OXCT1: variants seen among roughly 807,000 people sequenced by gnomAD.
The protein encoded by OXCT1 is 3-oxoacid CoA-transferase 1.
A neutral mutation model predicts 69.6 loss-of-function variants in OXCT1; 27 were observed. That is an observed-to-expected ratio of 0.39 (90% confidence interval 0.29 to 0.54). OXCT1 has a LOEUF of 0.54. Among genes scored for constraint, OXCT1 ranks in the 20% least tolerant of loss-of-function variants. The probability of loss-of-function intolerance (pLI) is 0.72; values close to 1 mark genes in which losing one functional copy is unlikely to be tolerated. For missense variants in OXCT1, 437 were observed against 650.2 expected, an observed-to-expected ratio of 0.67 and a Z score of 3.57; for synonymous variants, 202 against 217.8, an observed-to-expected ratio of 0.93 and a Z score of 0.64.
At chr5:41,776,092 CT>C (rs994166054) in intron 13 of OXCT1, among the ~76,000 whole-genome samples, 1 of 152,168 alleles carries the variant, frequency 6.6e-6, no homozygotes, top group African/African-American at 2.4e-5. Context: ...CCTATAACCC[CT>C]GATATAAGAA....
At chr5:41,825,439 C>T (rs1056270084) in intron 7 of OXCT1, among the ~76,000 whole-genome samples, 6 of 152,144 alleles carry the variant, frequency 3.9e-5, no homozygotes, top group African/African-American at 1.4e-4. Context: ...GTCTTAGGAA[C>T]TGTTAACTGT....
intron 7 of OXCT1, among the ~76,000 whole-genome samples, chr5:41,823,080 CTT>C (rs1355081106): frequency 6.6e-6 from 1 of 152,030 alleles, no homozygotes; most frequent in Non-Finnish European, 1.5e-5. Context: ...TTTTGTTACA[CTT>C]GAGTTTGCAA....
At chr5:41,794,517 C>A in intron 12 of OXCT1, 160 bp downstream of exon 12, 1 of 682,764 alleles carries the variant, frequency 1.5e-6, no homozygotes, top group Non-Finnish European at 2.5e-6. Context: ...CAATGCCCAA[C>A]ATTCGATGTG....
At chr5:41,831,739 T>C (rs555730873) in intron 7 of OXCT1, among the ~76,000 whole-genome samples, 6 of 152,324 alleles carry the variant, frequency 3.9e-5, no homozygotes, top group African/African-American at 1.4e-4. Context: ...CATGGGTTGA[T>C]AGTCATTGGA....
At chr5:41,847,840 AC>A (rs1161562115) in intron 5 of OXCT1, among the ~76,000 whole-genome samples, 1 of 149,778 alleles carries the variant, frequency 6.7e-6, no homozygotes, top group Non-Finnish European at 1.5e-5. Flanking sequence ...ATGGGCAAAA[AC>A]TGGAAGCATT....
At chr5:41,771,248 T>C (rs924952716) in intron 13 of OXCT1, among the ~76,000 whole-genome samples, 1 of 152,180 alleles carries the variant, frequency 6.6e-6, no homozygotes, top group East Asian at 1.9e-4. Context: ...GAAACCTCAT[T>C]GCTCCAAGAA....
intron 15 of OXCT1, chr5:41,739,787 C>T (rs930955352): frequency 2.7e-4 from 94 of 347,952 alleles, no homozygotes; most frequent in African/African-American, 1.9e-3. Context: ...AGGAGAATGG[C>T]GTGAACCCGA....
chr5:41,753,292 G>A (rs71590624), intron 14 of OXCT1, among the ~76,000 whole-genome samples: 1 of 133,288 alleles, frequency 7.5e-6, no homozygotes, highest in Non-Finnish European at 1.6e-5. Flanking sequence ...CACACACATA[G>A]ACACACACAC....
chr5:41,793,287 G>A (rs1746016880), intron 13 of OXCT1, among the ~76,000 whole-genome samples: 1 of 152,110 alleles, frequency 6.6e-6, no homozygotes, highest in Non-Finnish European at 1.5e-5. Context: ...GAGCAACCGG[G>A]CTACCAGCCA....
At chr5:41,798,213 T>C (rs1304505971) in intron 11 of OXCT1, among the ~76,000 whole-genome samples, 1 of 151,962 alleles carries the variant, frequency 6.6e-6, no homozygotes, top group East Asian at 1.9e-4. Context: ...CCAGAATGGG[T>C]ACACAAAAGT....
At chr5:41,769,016 T>C (rs1744751465) in intron 13 of OXCT1, among the ~76,000 whole-genome samples, 2 of 152,306 alleles carry the variant, frequency 1.3e-5, no homozygotes, top group South Asian at 4.1e-4. Context: ...CTTCATACTA[T>C]GAAGTGAGCT....
At chr5:41,786,933 A>G (rs763838473) in intron 13 of OXCT1, among the ~76,000 whole-genome samples, 7 of 152,212 alleles carry the variant, frequency 4.6e-5, no homozygotes, top group Non-Finnish European at 8.8e-5. Flanking sequence ...AGCCAAAAGG[A>G]AGGTCTCCAA....
In OXCT1 at chr5:41,731,777, A is replaced by G; in HGVS notation, c.1522-7T>C. ...GCATGAGTTTTGGTGAAACCTGGTA[A>G]AAGAGGAAAAAAAAATCAAATTATG... On this transcript the variant is annotated splice_polypyrimidine_tract_variant and splice_region_variant and intron_variant, in intron 16 of 16. Transcript: ENST00000196371. 1 of 1,606,986 alleles carries G rather than the reference A, an allele frequency of 6.2e-7. No individual in the cohort carries two copies. Among genetic ancestry groups the G allele is most frequent in the Non-Finnish European group, 8.5e-7 (1 of 1,176,098 alleles).
intron 7 of OXCT1, among the ~76,000 whole-genome samples, chr5:41,821,966 C>T (rs1199945843): frequency 6.6e-6 from 1 of 152,164 alleles, no homozygotes. Flanking sequence ...GTGTTTTTCT[C>T]TCAGGGATCA....
chr5:41,794,345 A>G (rs1026478253), intron 12 of OXCT1: 1 of 593,634 alleles, frequency 1.7e-6, no homozygotes, highest in Non-Finnish European at 3.0e-6. Flanking sequence ...GTGAGGCAGA[A>G]TGTGACTACT....
chr5:41,737,559 C>T (rs1197386273), intron 16 of OXCT1, among the ~76,000 whole-genome samples: 1 of 151,996 alleles, frequency 6.6e-6, no homozygotes, highest in Non-Finnish European at 1.5e-5. Flanking sequence ...AGTGAGAAAT[C>T]CTAAATAGTT....
chr5:41,750,145 T>TG (rs1743705078), intron 14 of OXCT1, among the ~76,000 whole-genome samples: 1 of 149,224 alleles, frequency 6.7e-6, no homozygotes, highest in Non-Finnish European at 1.5e-5. Flanking sequence ...GTTTTTTTTT[T>TG]TTTTTTTTTT....
chr5:41,793,978 T>C, intron 13 of OXCT1, 25 bp downstream of exon 13: 1 of 1,385,450 alleles, frequency 7.2e-7, no homozygotes, highest in Non-Finnish European at 1.0e-6. Flanking sequence ...CCAAACATAA[T>C]TCAGAATAAA....
chr5:41,742,202 T>C lies in OXCT1; in HGVS notation c.1420-2711A>G, dbSNP rs74551674. Among the ~76,000 whole-genome samples the C allele has an allele frequency of 4.9e-3, 749 of 152,330 alleles. 8 individuals carry two copies. The highest frequency in any genetic ancestry group is 0.017 in the African/African-American group (702 of 41,578). On this transcript the variant is annotated intron_variant, in intron 15 of 16. Transcript: ENST00000196371. Reference sequence around the variant, plus strand: ...ACATTTATCAAATCTTAATTAGATATATTAGAAAACCAAGTATCTATAATT... The same window carrying C: ...ACATTTATCAAATCTTAATTAGATACATTAGAAAACCAAGTATCTATAATT...
Sources: allele counts gnomAD v4.1 joint callset (sites outside exome capture counted in the v4.1 genomes callset), GRCh38; gene constraint gnomAD v4.1.1; transcripts MANE v1.5; gene names NCBI Gene and HGNC (gene_info 2026-07-23, HGNC 2026-07-21).